Variants in KIN observed in about 807,000 individuals in gnomAD.
KIN encodes Kin17 DNA and RNA binding protein.
A neutral mutation model predicts 63.0 loss-of-function variants in KIN; 47 were observed. The observed-to-expected ratio is 0.75, with a 90% CI of 0.59 to 0.95. The LOEUF (loss-of-function observed/expected upper bound fraction) is 0.95, where lower values mean the gene tolerates loss of function less well. KIN is among the 40% of genes least tolerant of loss of function. The pLI, the probability that KIN is intolerant of heterozygous loss-of-function variation, is 0.00. For synonymous variants in KIN, 160 were observed against 157.7 expected (o/e 1.01, Z -0.11); for missense variants, 408 against 460.9 (o/e 0.89, Z 1.05).
Position 7,763,815 on chromosome 10 carries a change from TGAAAG to T in KIN, c.850-29_850-25del, listed in dbSNP as rs755195791. 4.4e-6 allele frequency: 5 copies of T among 1,128,478 alleles called. No individual in the cohort carries two copies. In the East Asian group the frequency reaches 7.2e-5, roughly 16 times the overall value. 69.9% of individuals were successfully genotyped at this position (1,128,478 alleles called of 1,614,324 possible). On this transcript the variant is annotated intron_variant, in intron 9 of 12. Coordinates refer to ENST00000379562, the MANE Select transcript of KIN (RefSeq NM_012311.4). ...TCCTAGAAAATAATAACAAAAAAAA[TGAAAG>T]GAAAGACAGAAGTTATCGTTTGTCA...
chr10:7,777,053 CAAAAAAA>C (rs60757813), intron 5 of KIN, among the ~76,000 whole-genome samples: 39 of 80,730 alleles, frequency 4.8e-4, no homozygotes, highest in South Asian at 1.9e-3. Context: ...GACAGTCTCT[CAAAAAAA>C]AAAAAAAAAA....
At position 7,756,009 on chromosome 10, in the gene KIN, T is replaced by A; in HGVS notation, c.*71A>T. ...AAGAATATACCCTAACACAGTAGAGTCTCATAATGCCTTGGCGAACACCAA... is the reference window on the plus strand; with the variant it reads ...AAGAATATACCCTAACACAGTAGAGACTCATAATGCCTTGGCGAACACCAA... On this transcript the variant is annotated 3_prime_UTR_variant, in exon 13 of 13. Transcript: ENST00000379562. 1 of 852,042 alleles carries A rather than the reference T, an allele frequency of 1.2e-6. No homozygotes were observed. The highest frequency in any genetic ancestry group is 1.6e-5 in the South Asian group (1 of 62,130). 52.8% of individuals were successfully genotyped at this position (852,042 alleles called of 1,614,324 possible).
At chr10:7,773,203 G>C (rs894911225) in intron 7 of KIN, among the ~76,000 whole-genome samples, 11 of 152,208 alleles carry the variant, frequency 7.2e-5, no homozygotes, top group Non-Finnish European at 1.5e-4. Flanking sequence ...CAGCCAGCAG[G>C]CTCCTTGATT....
chr10:7,774,851 T>C lies in KIN; in HGVS notation c.648A>G (p.Gly216=). Residue 216 remains glycine, a synonymous_variant, in exon 7 of 13, where the codon GGA becomes GGG. Transcript: ENST00000379562. ...NLSKGACSSS[G]ATSSKSSTLG... Reference sequence around the variant, plus strand: ...CTCACCTTGACTTGGAAGATGTTGCTCCGGATGAGCTACATGCTCCTTTAC... The same window carrying C: ...CTCACCTTGACTTGGAAGATGTTGCCCCGGATGAGCTACATGCTCCTTTAC... 6.2e-7 allele frequency: 1 copy of C among 1,613,498 alleles called. No individual in the cohort carries two copies. Among genetic ancestry groups the C allele is most frequent in the South Asian group, 1.1e-5 (1 of 91,068 alleles).
intron 9 of KIN, among the ~76,000 whole-genome samples, chr10:7,765,156 T>C (rs1244804407): frequency 1.1e-5 from 1 of 90,642 alleles, no homozygotes; most frequent in African/African-American, 4.8e-5. Context: ...CAAAACTCCA[T>C]CTCAAAAAAA....
chr10:7,762,448 C>CA lies in KIN; in HGVS notation c.1018+8dup. The stretch of plus-strand genomic sequence containing the variant: ...GCATATGTATTAAATGGTCTGCAAA[C>CA]AGATTTACCTGGTGCTGGAATTACT... On this transcript the variant is annotated intron_variant, in intron 11 of 12. Coordinates refer to ENST00000379562, the MANE Select transcript of KIN (RefSeq NM_012311.4). 1 of 1,554,632 alleles carries CA rather than the reference C, an allele frequency of 6.4e-7. No homozygotes were observed. Among genetic ancestry groups the CA allele is most frequent in the Non-Finnish European group, 8.8e-7 (1 of 1,131,734 alleles).
Position 7,751,966 on chromosome 10 carries a change from C to T in KIN, c.*4114G>A, listed in dbSNP as rs1376164392. Reference sequence around the variant, plus strand: ...AGGAGAATGGCGTGAACCCGGGAAGCGGAGCTTGCAGTGAGCCGAGATTGC... The same window carrying T: ...AGGAGAATGGCGTGAACCCGGGAAGTGGAGCTTGCAGTGAGCCGAGATTGC... On this transcript the variant is annotated 3_prime_UTR_variant, in exon 13 of 13. Transcript: ENST00000379562. The T allele has an allele frequency of 0.081, 280 of 3,470 alleles. 126 individuals are homozygous for T. Among genetic ancestry groups the T allele is most frequent in the African/African-American group, 0.28 (257 of 908 alleles). The allele number at this position is 3,470 out of a possible 1,614,324, so 0.2% of individuals were successfully genotyped here.
chr10:7,774,864 C>T lies in KIN; in HGVS notation c.635G>A (p.Cys212Tyr). ...KVTFNLSKGA[C>Y]SSSGATSSKS... ...GGAAGATGTTGCTCCGGATGAGCTACATGCTCCTTTACTCAAATTAAACGT... is the reference window on the plus strand; with the variant it reads ...GGAAGATGTTGCTCCGGATGAGCTATATGCTCCTTTACTCAAATTAAACGT... The change falls in exon 7 of 13, where the codon TGT (cysteine) becomes TAT (tyrosine). Residue 212 changes from cysteine to tyrosine, a missense_variant. Cys to Tyr is a radical substitution (Grantham distance 194). Transcript: ENST00000379562. 1 of 1,613,108 alleles carries T rather than the reference C, an allele frequency of 6.2e-7. No individual in the cohort carries two copies. Among genetic ancestry groups the T allele is most frequent in the South Asian group, 1.1e-5 (1 of 91,066 alleles).
Position 7,756,035 on chromosome 10 carries a change from T to A in KIN, c.*45A>T. 1 of 1,193,986 alleles carries A rather than the reference T, an allele frequency of 8.4e-7. No individual in the cohort carries two copies. Among genetic ancestry groups the A allele is most frequent in the Non-Finnish European group, 1.2e-6 (1 of 818,034 alleles). The allele number at this position is 1,193,986 out of a possible 1,614,324, so 74.0% of individuals were successfully genotyped here. On this transcript the variant is annotated 3_prime_UTR_variant, in exon 13 of 13. Transcript: ENST00000379562. ...CTCATAATGCCTTGGCGAACACCAA[T>A]TTGATGCTTTAAGATTTTAATGTAT...
intron 2 of KIN, among the ~76,000 whole-genome samples, chr10:7,780,551 C>G (rs745755783): frequency 6.6e-6 from 1 of 152,024 alleles, no homozygotes; most frequent in Non-Finnish European, 1.5e-5. Flanking sequence ...TCCACCACCA[C>G]GCCTGGCTAA....
rs774684994 is a variant in KIN at position 7,787,962 on chromosome 10, A to G, written c.-29T>C. 2.0e-6 allele frequency: 3 copies of G among 1,537,744 alleles called. No homozygotes were observed. The highest frequency in any genetic ancestry group is 2.2e-5 in the South Asian group (2 of 89,548). Reference sequence around the variant, plus strand: ...GACCACGGCAGCGATCACTTTCTGGACCCCAGTACTCAGCCAGCCGGAAAC... The same window carrying G: ...GACCACGGCAGCGATCACTTTCTGGGCCCCAGTACTCAGCCAGCCGGAAAC... On this transcript the variant is annotated 5_prime_UTR_variant, in exon 1 of 13. Transcript: ENST00000379562.
At chr10:7,778,612 G>A (rs961378590) in intron 5 of KIN, among the ~76,000 whole-genome samples, 6 of 152,184 alleles carry the variant, frequency 3.9e-5, no homozygotes, top group Admixed American at 6.5e-5. Flanking sequence ...GGTGGCGGGC[G>A]CCTGTAGTTC....
At chr10:7,764,448 TAATAATG>T in intron 9 of KIN, among the ~76,000 whole-genome samples, 1 of 152,232 alleles carries the variant, frequency 6.6e-6, no homozygotes, top group East Asian at 1.9e-4. Context: ...GTCTAAAAGC[TAATAATG>T]AAAATTAAAT....
chr10:7,770,974 C>G (rs35845453), intron 7 of KIN, among the ~76,000 whole-genome samples: 2,669 of 152,246 alleles, frequency 0.018, 34 homozygotes, highest in South Asian at 0.034. Flanking sequence ...TTTTTCTTTA[C>G]CTAACTGTCA....
intron 8 of KIN, among the ~76,000 whole-genome samples, chr10:7,767,508 T>A (rs547617668): frequency 2.0e-5 from 3 of 152,226 alleles, no homozygotes; most frequent in Admixed American, 1.3e-4. Context: ...CATCTAAACA[T>A]TATACTTGAA....
At chr10:7,780,633 A>T (rs1484888122) in intron 2 of KIN, among the ~76,000 whole-genome samples, 1 of 152,088 alleles carries the variant, frequency 6.6e-6, no homozygotes, top group Non-Finnish European at 1.5e-5. Context: ...TCGTGACCTC[A>T]GGTGATCTCC....
Position 7,753,695 on chromosome 10 carries a change from A to T in KIN, c.*2385T>A, listed in dbSNP as rs1300331115. On this transcript the variant is annotated 3_prime_UTR_variant, in exon 13 of 13. Transcript: ENST00000379562. Reference sequence around the variant, plus strand: ...TACAAAGCCAATGAACAGAACTGCCAGAATTTGATCTAAAGACTGCCCACA... The same window carrying T: ...TACAAAGCCAATGAACAGAACTGCCTGAATTTGATCTAAAGACTGCCCACA... 2 of 159,180 alleles carry T rather than the reference A, an allele frequency of 1.3e-5. No homozygotes were observed. The highest frequency in any genetic ancestry group is 2.8e-5 in the Non-Finnish European group (2 of 72,588). 9.9% of individuals were successfully genotyped at this position (159,180 alleles called of 1,614,324 possible).
chr10:7,766,350 G>C, intron 8 of KIN: 2 of 398,926 alleles, frequency 5.0e-6, no homozygotes, highest in Non-Finnish European at 8.9e-6. Context: ...GAAGCAAACA[G>C]ACACAACTCC....
intron 2 of KIN, among the ~76,000 whole-genome samples, chr10:7,781,319 G>A (rs12413131): frequency 0.33 from 49,827 of 151,966 alleles, 9,064 homozygotes; most frequent in Non-Finnish European, 0.41. Flanking sequence ...TGATAAAAAT[G>A]AGAGTGAGAG....
Sources: allele counts gnomAD v4.1 joint callset (sites outside exome capture counted in the v4.1 genomes callset), GRCh38; gene constraint gnomAD v4.1.1; transcripts MANE v1.5; gene names NCBI Gene and HGNC (gene_info 2026-07-23, HGNC 2026-07-21).